Variants in ACACA observed in about 807,000 individuals in gnomAD.
The protein encoded by ACACA is acetyl-CoA carboxylase 1.
In ACACA, 103 loss-of-function variants were observed where a neutral mutation model predicts 296.1. The ratio of observed to expected loss-of-function variants is 0.35; its 90% CI spans 0.30 to 0.41. The LOEUF is 0.41. Ranked by LOEUF, ACACA falls within the 10% of genes least tolerant of loss-of-function variation. The probability of loss-of-function intolerance (pLI) is 1.00; values close to 1 mark genes in which losing one functional copy is unlikely to be tolerated. For synonymous variants in ACACA, 953 were observed against 1,038.6 expected (o/e 0.92, Z 1.58); for missense variants, 1,554 against 2,989.7 (o/e 0.52, Z 11.20).
intron 3 of ACACA, among the ~76,000 whole-genome samples, chr17:37,292,234 G>T (rs1290898803): frequency 6.6e-6 from 1 of 152,084 alleles, no homozygotes; most frequent in Non-Finnish European, 1.5e-5. Flanking sequence ...GCTAAGTAAA[G>T]CAGTAAGGGG....
intron 1 of ACACA, among the ~76,000 whole-genome samples, chr17:37,376,799 G>T (rs998237209): frequency 2.0e-5 from 3 of 151,640 alleles, no homozygotes; most frequent in Non-Finnish European, 4.4e-5. Flanking sequence ...TACTAAAAGT[G>T]CAAAAATTAG....
At chr17:37,295,884 C>T (rs1328451102) in intron 3 of ACACA, among the ~76,000 whole-genome samples, 1 of 152,120 alleles carries the variant, frequency 6.6e-6, no homozygotes, top group East Asian at 1.9e-4. Flanking sequence ...AAGATCGCAC[C>T]ACTGCACTCC....
chr17:37,345,913 A>C (rs1054194660), intron 1 of ACACA, among the ~76,000 whole-genome samples: 17 of 152,152 alleles, frequency 1.1e-4, no homozygotes, highest in African/African-American at 4.1e-4. Context: ...CACATCACTA[A>C]AAAAGAAAAG....
In ACACA at chr17:37,406,295, C is replaced by T; in HGVS notation, c.5G>A (p.Trp2Ter). 6.2e-7 allele frequency: 1 copy of T among 1,614,152 alleles called. No individual in the cohort carries two copies. Among genetic ancestry groups the T allele is most frequent in the Non-Finnish European group, 8.5e-7 (1 of 1,180,016 alleles). Reference sequence around the variant, plus strand: ...CAAGATTGACATCAGAGTAGACCACCACATCCTCTCATCATTGCGCCTCAA... The same window carrying T: ...CAAGATTGACATCAGAGTAGACCACTACATCCTCTCATCATTGCGCCTCAA... M[W>*]WSTLMSILRA... The change falls in exon 1 of 56, where the codon TGG (tryptophan) becomes TAG (stop). Residue 2 changes from tryptophan (W) to a stop codon, truncating the protein, a stop_gained. Coordinates refer to ENST00000616317, the MANE Select transcript of ACACA (RefSeq NM_198834.3). LOFTEE classifies it high-confidence loss of function.
intron 14 of ACACA, among the ~76,000 whole-genome samples, chr17:37,253,459 GGAGA>G (rs1308071663): frequency 6.6e-6 from 1 of 151,944 alleles, no homozygotes; most frequent in Non-Finnish European, 1.5e-5. Flanking sequence ...GAGAGGGAAG[GGAGA>G]GAGGCAGTTC....
At chr17:37,285,089 G>A in intron 3 of ACACA, 119 bp from the exon 4 acceptor site, 1 of 1,129,880 alleles carries the variant, frequency 8.9e-7, no homozygotes, top group South Asian at 1.4e-5. Context: ...ATGCTGGCAG[G>A]TCACGTACTT....
intron 52 of ACACA, among the ~76,000 whole-genome samples, chr17:37,098,612 C>T (rs975401064): frequency 7.2e-5 from 11 of 152,248 alleles, no homozygotes; most frequent in Non-Finnish European, 1.2e-4. Context: ...TAGATCCTCA[C>T]ATCTTGTGTC....
intron 2 of ACACA, among the ~76,000 whole-genome samples, chr17:37,336,227 A>G (rs1277590482): frequency 6.6e-6 from 1 of 152,086 alleles, no homozygotes; most frequent in Non-Finnish European, 1.5e-5. Flanking sequence ...AATGACATCA[A>G]AGGCACCCCT....
chr17:37,339,976 ATTATT>A (rs1245108892), intron 1 of ACACA, 126 bp from the exon 2 acceptor site: 8 of 549,468 alleles, frequency 1.5e-5, no homozygotes, highest in Non-Finnish European at 2.3e-5. Context: ...GGTCAAATCT[ATTATT>A]TAACTTAAAG....
intron 1 of ACACA, among the ~76,000 whole-genome samples, chr17:37,357,773 GA>G (rs2049210106): frequency 1.3e-5 from 2 of 152,098 alleles, no homozygotes; most frequent in South Asian, 4.1e-4. Context: ...ATGCTTTTCT[GA>G]AAAGTGCCTG....
At chr17:37,377,920 A>C in intron 1 of ACACA, 1 of 1,612,516 alleles carries the variant, frequency 6.2e-7, no homozygotes, top group Non-Finnish European at 8.5e-7. Flanking sequence ...GCTGCCTGGG[A>C]TCTTCCCAAA....
intron 14 of ACACA, among the ~76,000 whole-genome samples, chr17:37,255,457 A>C (rs1022866333): frequency 1.3e-5 from 2 of 152,248 alleles, no homozygotes; most frequent in African/African-American, 4.8e-5. Context: ...TATTGTAGAT[A>C]ACGTATTTTT....
chr17:37,175,922 C>A (rs1008425098), intron 41 of ACACA, among the ~76,000 whole-genome samples: 2 of 152,172 alleles, frequency 1.3e-5, no homozygotes, highest in Non-Finnish European at 2.9e-5. Context: ...ATCAGAAAAG[C>A]TCTGTCTCCT....
At chr17:37,155,822 T>G in intron 42 of ACACA, 42 bp from the exon 43 acceptor site, 7 of 1,297,816 alleles carry the variant, frequency 5.4e-6, no homozygotes, top group Non-Finnish European at 7.8e-6. Context: ...TTTGCCATTG[T>G]CATATAATCA....
chr17:37,357,259 G>A (rs558750050), intron 1 of ACACA, among the ~76,000 whole-genome samples: 12 of 152,260 alleles, frequency 7.9e-5, no homozygotes, highest in African/African-American at 2.9e-4. Context: ...TTGGGAGGCC[G>A]AGGAGGGTGG....
In ACACA at chr17:37,202,632, GT is replaced by G. The variant is rs1404236825; in HGVS notation, c.4057-2150del. On this transcript the variant is annotated intron_variant, in intron 33 of 55. Coordinates refer to ENST00000616317, the MANE Select transcript of ACACA (RefSeq NM_198834.3). The stretch of plus-strand genomic sequence containing the variant: ...AAAACTAGTTGCCACTTTATCTTTT[GT>G]TTTTTTCTTAAATTGCTTTTCTTTC... Among the ~76,000 whole-genome samples the G allele has an allele frequency of 9.7e-5, 11 of 113,554 alleles. No individual in the cohort carries two copies. In the East Asian group the frequency reaches 2.3e-3, roughly 24 times the overall value. 74.5% of individuals were successfully genotyped at this position (113,554 alleles called of 152,430 possible). A position where few individuals can be genotyped will look rare whatever the true frequency, so the allele number is the denominator to read the frequency against.
At chr17:37,141,169 T>C in intron 45 of ACACA, 1 of 530,106 alleles carries the variant, frequency 1.9e-6, no homozygotes, top group Non-Finnish European at 3.6e-6. Flanking sequence ...CAAAACCTCA[T>C]CCTTGAGAGA....
intron 24 of ACACA, among the ~76,000 whole-genome samples, chr17:37,240,093 T>C (rs2080316361): frequency 6.6e-6 from 1 of 152,244 alleles, no homozygotes; most frequent in Non-Finnish European, 1.5e-5. Flanking sequence ...TCTGGTTCAA[T>C]TCATGGATTA....
intron 52 of ACACA, among the ~76,000 whole-genome samples, chr17:37,111,172 C>G (rs1373588685): frequency 1.3e-5 from 2 of 151,914 alleles, no homozygotes; most frequent in African/African-American, 4.8e-5. Context: ...GTGAGCTGTC[C>G]AAAGAAACAA....
Sources: gnomAD v4.1 joint callset for allele counts (sites outside exome capture counted in the v4.1 genomes callset) on GRCh38, gnomAD v4.1.1 for gene constraint, MANE v1.5 for transcripts, NCBI Gene and HGNC (gene_info 2026-07-23, HGNC 2026-07-21) for gene names.